The following HS3ST2 variants were observed in gnomAD, a reference collection of about 807,000 sequenced individuals.
HS3ST2 encodes the protein heparan sulfate-glucosamine 3-sulfotransferase 2.
HS3ST2 carries 17 observed loss-of-function variants against 26.3 expected under a neutral mutation model. That is an observed-to-expected ratio of 0.65 (90% CI 0.44 to 0.97). The LOEUF is 0.97. Among genes scored for constraint, HS3ST2 ranks in the 50% least tolerant of loss-of-function variants. HS3ST2 has a pLI of 0.00. For synonymous variants in HS3ST2, 237 were observed against 219.2 expected, an observed-to-expected ratio of 1.08 and a Z score of -0.72; for missense variants, 402 against 501.2, an observed-to-expected ratio of 0.80 and a Z score of 1.89.
At position 22,879,968 on chromosome 16, in the gene HS3ST2, A is replaced by C. The variant is rs141855447; in HGVS notation, c.486-34976A>C. On this transcript the variant is annotated intron_variant, in intron 1 of 1. Transcript: ENST00000261374. Reference sequence around the variant, plus strand: ...GGGCTAGTCATGGTGAGAAAGAACAAGAAGCCTCTGAAAATGCACAAATCT... The same window carrying C: ...GGGCTAGTCATGGTGAGAAAGAACACGAAGCCTCTGAAAATGCACAAATCT... Among the ~76,000 whole-genome samples the C allele has an allele frequency of 6.4e-3, 969 of 152,332 alleles. 7 individuals are homozygous for C. The highest frequency in any genetic ancestry group is 0.011 in the Non-Finnish European group (733 of 68,028).
At chr16:22,845,139 C>T (rs1301509583) in intron 1 of HS3ST2, among the ~76,000 whole-genome samples, 1 of 147,942 alleles carries the variant, frequency 6.8e-6, no homozygotes, top group Admixed American at 6.6e-5. Flanking sequence ...CAGGCGTGAG[C>T]CACTGCGCCT....
chr16:22,850,306 G>C (rs972930693), intron 1 of HS3ST2, among the ~76,000 whole-genome samples: 1 of 152,058 alleles, frequency 6.6e-6, no homozygotes, highest in Non-Finnish European at 1.5e-5. Flanking sequence ...GCTCGAATGG[G>C]TGTAATACTC....
At chr16:22,852,405 C>T (rs981414218) in intron 1 of HS3ST2, among the ~76,000 whole-genome samples, 5 of 152,186 alleles carry the variant, frequency 3.3e-5, no homozygotes, top group Non-Finnish European at 4.4e-5. Flanking sequence ...GAGGCAAGCT[C>T]AGTAAATGGT....
intron 1 of HS3ST2, among the ~76,000 whole-genome samples, chr16:22,877,176 T>C (rs1379107102): frequency 1.3e-5 from 2 of 152,276 alleles, no homozygotes; most frequent in East Asian, 1.9e-4. Flanking sequence ...GGCTGGGAGA[T>C]ATGACTTAAG....
chr16:22,907,038 T>A (rs1261224236), intron 1 of HS3ST2, among the ~76,000 whole-genome samples: 1 of 152,148 alleles, frequency 6.6e-6, no homozygotes, highest in African/African-American at 2.4e-5. Flanking sequence ...AAAGAAGGGT[T>A]TACAGAGGGT....
chr16:22,885,160 T>C (rs1018119319), intron 1 of HS3ST2, among the ~76,000 whole-genome samples: 1 of 152,024 alleles, frequency 6.6e-6, no homozygotes, highest in African/African-American at 2.4e-5. Context: ...CACTCTTATG[T>C]GACATATTGC....
chr16:22,882,171 A>G (rs1422889048), intron 1 of HS3ST2, among the ~76,000 whole-genome samples: 2 of 152,036 alleles, frequency 1.3e-5, no homozygotes, highest in African/African-American at 2.4e-5. Context: ...AGCAGTCTGA[A>G]CAACATGGTG....
chr16:22,896,380 A>G (rs1902210786), intron 1 of HS3ST2, among the ~76,000 whole-genome samples: 1 of 152,218 alleles, frequency 6.6e-6, no homozygotes, highest in Admixed American at 6.5e-5. Context: ...TATTTCGTTC[A>G]GACTAGGCTG....
intron 1 of HS3ST2, among the ~76,000 whole-genome samples, chr16:22,841,751 A>G (rs1458703820): frequency 6.6e-6 from 1 of 152,150 alleles, no homozygotes; most frequent in Non-Finnish European, 1.5e-5. Context: ...TGCTTCTTTC[A>G]TCTACTTCGT....
chr16:22,831,495 TCTC>T (rs1901167426), intron 1 of HS3ST2, among the ~76,000 whole-genome samples: 1 of 152,160 alleles, frequency 6.6e-6, no homozygotes, highest in Non-Finnish European at 1.5e-5. Context: ...TATTTTTAGG[TCTC>T]CTTCCCTGGA....
intron 1 of HS3ST2, among the ~76,000 whole-genome samples, chr16:22,905,131 GC>G (rs1427920211): frequency 2.6e-5 from 4 of 152,254 alleles, no homozygotes; most frequent in African/African-American, 9.6e-5. Context: ...CCTCCAGGCA[GC>G]CGGGTCTTCC....
intron 1 of HS3ST2, among the ~76,000 whole-genome samples, chr16:22,888,382 T>C (rs1288331887): frequency 1.0e-5 from 1 of 99,760 alleles, no homozygotes; most frequent in Non-Finnish European, 1.9e-5. Context: ...TCTTTTTTTT[T>C]TTTTTTTTTT....
intron 1 of HS3ST2, among the ~76,000 whole-genome samples, chr16:22,817,395 T>C (rs933841559): frequency 2.6e-5 from 4 of 152,178 alleles, no homozygotes; most frequent in African/African-American, 9.7e-5. Flanking sequence ...TAGAGTCAAG[T>C]GTTTAGCTTG....
At chr16:22,834,277 G>T (rs1901218243) in intron 1 of HS3ST2, among the ~76,000 whole-genome samples, 1 of 152,062 alleles carries the variant, frequency 6.6e-6, no homozygotes. Context: ...TCAATGTTAG[G>T]ATTTTGCTTT....
chr16:22,888,374 T>TC (rs1902089469), intron 1 of HS3ST2, among the ~76,000 whole-genome samples: 3 of 49,716 alleles, frequency 6.0e-5, no homozygotes, highest in African/African-American at 4.9e-4. Flanking sequence ...CTGGCTTTTC[T>TC]TTTTTTTTTT....
intron 1 of HS3ST2, among the ~76,000 whole-genome samples, chr16:22,890,658 A>G (rs1362376307): frequency 6.6e-6 from 1 of 152,196 alleles, no homozygotes; most frequent in Non-Finnish European, 1.5e-5. Context: ...AAGCACCACA[A>G]TTTGACCCAT....
At chr16:22,899,050 A>T (rs1902247317) in intron 1 of HS3ST2, among the ~76,000 whole-genome samples, 1 of 152,218 alleles carries the variant, frequency 6.6e-6, no homozygotes, top group African/African-American at 2.4e-5. Context: ...TGCGGAACTC[A>T]TCCCTGCAAA....
intron 1 of HS3ST2, among the ~76,000 whole-genome samples, chr16:22,871,887 C>T (rs1901844250): frequency 1.3e-5 from 2 of 152,090 alleles, no homozygotes; most frequent in Non-Finnish European, 1.5e-5. Flanking sequence ...GATTCATTTC[C>T]AGGGCCAGGG....
chr16:22,865,813 G>A (rs1901742099), intron 1 of HS3ST2, among the ~76,000 whole-genome samples: 1 of 152,198 alleles, frequency 6.6e-6, no homozygotes, highest in African/African-American at 2.4e-5. Flanking sequence ...GGGAGGCAAG[G>A]TGGGGGGAAA....
Sources: allele counts gnomAD v4.1 joint callset (sites outside exome capture counted in the v4.1 genomes callset), GRCh38; gene constraint gnomAD v4.1.1; transcripts MANE v1.5; gene names NCBI Gene and HGNC (gene_info 2026-07-23, HGNC 2026-07-21).